Variants in DNM3 observed in about 807,000 individuals in gnomAD.
DNM3 encodes the protein dynamin 3.
In DNM3, 47 loss-of-function variants were observed where a neutral mutation model predicts 101.6. The ratio of observed to expected loss-of-function variants is 0.46; its 90% CI spans 0.37 to 0.59. The LOEUF (loss-of-function observed/expected upper bound fraction) is 0.59, where lower values mean the gene tolerates loss of function less well. Among genes scored for constraint, DNM3 ranks in the 20% least tolerant of loss-of-function variants. The pLI, the probability that DNM3 is intolerant of heterozygous loss-of-function variation, is 0.00. For synonymous variants in DNM3, 385 were observed against 387.9 expected (o/e 0.99, Z 0.09); for missense variants, 849 against 1,085.7 (o/e 0.78, Z 3.06).
chr1:172,408,706 CA>C lies in DNM3; in HGVS notation c.*866del, dbSNP rs1244210793. The C allele has an allele frequency of 1.4e-5, 14 of 984,374 alleles. No individual in the cohort carries two copies. In the Admixed American group the frequency reaches 6.8e-4, roughly 48 times the overall value. The allele number at this position is 984,374 out of a possible 1,614,324, so 61.0% of individuals were successfully genotyped here. A position where few individuals can be genotyped will look rare whatever the true frequency, so the allele number is the denominator to read the frequency against. ...CTTTTCTATTTGGCATAGCTAACTA[CA>C]CTTTGATACTAACTCCAGTTTTACT... On this transcript the variant is annotated 3_prime_UTR_variant, in exon 21 of 21. Coordinates refer to ENST00000627582, the MANE Select transcript of DNM3 (RefSeq NM_015569.5).
chr1:172,341,512 G>A (rs1251922648), intron 17 of DNM3, among the ~76,000 whole-genome samples: 1 of 152,020 alleles, frequency 6.6e-6, no homozygotes, highest in African/African-American at 2.4e-5. Flanking sequence ...TCATCAAAAC[G>A]GCATTGTACT....
At chr1:172,276,389 C>T (rs750353217) in intron 15 of DNM3, among the ~76,000 whole-genome samples, 22 of 151,902 alleles carry the variant, frequency 1.4e-4, no homozygotes, top group Non-Finnish European at 2.9e-4. Flanking sequence ...TAACTTTTTC[C>T]GATAACTTAT....
chr1:172,206,966 C>T (rs1373680347), intron 14 of DNM3, among the ~76,000 whole-genome samples: 1 of 152,038 alleles, frequency 6.6e-6, no homozygotes, highest in Admixed American at 6.6e-5. Flanking sequence ...TCTCTTTGTC[C>T]ATGAGGTGCT....
intron 2 of DNM3, among the ~76,000 whole-genome samples, chr1:171,925,395 T>C (rs951644223): frequency 6.6e-6 from 1 of 150,800 alleles, no homozygotes; most frequent in Non-Finnish European, 1.5e-5. Flanking sequence ...ACCTGGCTAA[T>C]TTTTTTTTGT....
chr1:172,064,469 A>G (rs184029798), intron 10 of DNM3, among the ~76,000 whole-genome samples: 1 of 152,296 alleles, frequency 6.6e-6, no homozygotes, highest in East Asian at 1.9e-4. Flanking sequence ...TTTAAAGCTA[A>G]GTAAAGGGTG....
rs139150459 is a variant in DNM3, at chr1:172,175,226, C to T, written c.1659+43938C>T. 2.3e-4 allele frequency among the ~76,000 whole-genome samples: 35 copies of T among 151,848 alleles called. No individual in the cohort carries two copies. The East Asian group carries it at 6.6e-3, about 29-fold the overall frequency. On this transcript the variant is annotated intron_variant, in intron 14 of 20. Coordinates refer to ENST00000627582, the MANE Select transcript of DNM3 (RefSeq NM_015569.5). Reference sequence around the variant, plus strand: ...CTACTTTTGGAAAAATAATGAAAAGCACACACACTGGCTCTGAATCAGTAA... The same window carrying T: ...CTACTTTTGGAAAAATAATGAAAAGTACACACACTGGCTCTGAATCAGTAA...
intron 2 of DNM3, among the ~76,000 whole-genome samples, chr1:171,984,841 G>A (rs1009216449): frequency 2.0e-5 from 3 of 152,100 alleles, no homozygotes; most frequent in Admixed American, 1.3e-4. Flanking sequence ...CTGTCTGGGG[G>A]ACACTATTCT....
intron 15 of DNM3, among the ~76,000 whole-genome samples, chr1:172,291,639 T>C (rs763099438): frequency 6.6e-6 from 1 of 152,128 alleles, no homozygotes. Flanking sequence ...ATGTATGTAG[T>C]AGTAATCATC....
chr1:172,115,416 C>T (rs910411633), intron 13 of DNM3, among the ~76,000 whole-genome samples: 1 of 152,180 alleles, frequency 6.6e-6, no homozygotes, highest in African/African-American at 2.4e-5. Flanking sequence ...CTCCCCTCAG[C>T]AGCCAGAAAG....
At chr1:172,232,332 A>G (rs1444636408) in intron 14 of DNM3, among the ~76,000 whole-genome samples, 1 of 152,228 alleles carries the variant, frequency 6.6e-6, no homozygotes, top group Admixed American at 6.5e-5. Context: ...CAACAAGAAG[A>G]GCTAACTATC....
At chr1:171,938,317 A>T (rs1381254698) in intron 2 of DNM3, among the ~76,000 whole-genome samples, 1 of 152,106 alleles carries the variant, frequency 6.6e-6, no homozygotes, top group Non-Finnish European at 1.5e-5. Context: ...AAACAGAGAT[A>T]AAAACTATCC....
intron 1 of DNM3, among the ~76,000 whole-genome samples, chr1:171,900,830 C>T (rs973711750): frequency 6.6e-6 from 1 of 152,016 alleles, no homozygotes; most frequent in Non-Finnish European, 1.5e-5. Context: ...ATGTATGAGG[C>T]CGGGCGCGGT....
At chr1:172,385,075 G>A (rs182129623) in intron 18 of DNM3, among the ~76,000 whole-genome samples, 1 of 152,288 alleles carries the variant, frequency 6.6e-6, no homozygotes, top group East Asian at 1.9e-4. Flanking sequence ...TGCTTGAGAT[G>A]TCTTTGGTTG....
intron 20 of DNM3, among the ~76,000 whole-genome samples, chr1:172,394,965 G>A (rs929473444): frequency 6.6e-5 from 10 of 152,074 alleles, no homozygotes; most frequent in Non-Finnish European, 1.5e-4. Context: ...GCACTTCGTT[G>A]TTTCCCTCAC....
intron 16 of DNM3, among the ~76,000 whole-genome samples, chr1:172,322,272 G>A (rs962452210): frequency 6.6e-6 from 1 of 152,068 alleles, no homozygotes; most frequent in Admixed American, 6.6e-5. Context: ...CCCTGTTCTA[G>A]GTCTCCACAG....
intron 14 of DNM3, among the ~76,000 whole-genome samples, chr1:172,160,782 A>G (rs1358087013): frequency 6.6e-6 from 1 of 152,068 alleles, no homozygotes; most frequent in Non-Finnish European, 1.5e-5. Context: ...AGTACTATAT[A>G]CTGTATATAA....
chr1:172,185,694 T>C (rs989160810), intron 14 of DNM3, among the ~76,000 whole-genome samples: 1 of 152,182 alleles, frequency 6.6e-6, no homozygotes, highest in Non-Finnish European at 1.5e-5. Context: ...TGTGAAGTTC[T>C]ATTGTAAATG....
chr1:172,090,745 G>A (rs754928329), intron 12 of DNM3, among the ~76,000 whole-genome samples: 1 of 152,138 alleles, frequency 6.6e-6, no homozygotes, highest in Non-Finnish European at 1.5e-5. Context: ...CAGCTTAAAT[G>A]TATCAGAGGA....
At chr1:172,164,474 A>C (rs1025241366) in intron 14 of DNM3, among the ~76,000 whole-genome samples, 1 of 151,900 alleles carries the variant, frequency 6.6e-6, no homozygotes, top group African/African-American at 2.4e-5. Context: ...TTTGTCCCCA[A>C]ATCTTAGTGC....
Sources: allele counts gnomAD v4.1 joint callset (sites outside exome capture counted in the v4.1 genomes callset), GRCh38; gene constraint gnomAD v4.1.1; transcripts MANE v1.5; gene names NCBI Gene and HGNC (gene_info 2026-07-23, HGNC 2026-07-21).